Variants in GLMN observed in about 807,000 individuals in gnomAD.
GLMN encodes the protein glomulin, FKBP associated protein, also known as glomulin.
Under a neutral mutation model 87.8 loss-of-function variants are expected in GLMN, and 75 were observed. The ratio of observed to expected loss-of-function variants is 0.85; its 90% CI spans 0.71 to 1.04. The LOEUF (loss-of-function observed/expected upper bound fraction) is 1.04. GLMN is among the 50% of genes least tolerant of loss of function. GLMN has a pLI of 0.00. For synonymous variants in GLMN, 206 were observed against 221.6 expected (o/e 0.93, Z 0.63); for missense variants, 588 against 658.8 (o/e 0.89, Z 1.18).
chr1:92,292,927 G>A (rs949669359), intron 3 of GLMN, among the ~76,000 whole-genome samples: 8 of 151,698 alleles, frequency 5.3e-5, no homozygotes, highest in Non-Finnish European at 8.8e-5. Context: ...GGGAGGATGA[G>A]TGGGAGGATG....
intron 18 of GLMN, 84 bp from the exon 19 acceptor site, chr1:92,246,730 G>T: frequency 1.3e-6 from 1 of 787,428 alleles, no homozygotes; most frequent in Non-Finnish European, 2.3e-6. Flanking sequence ...TCAGCTGGAG[G>T]TAGCTTAGGA....
At chr1:92,365,539 G>A in the GLMN span, among the ~76,000 whole-genome samples, 4 of 152,310 alleles carry the variant, frequency 2.6e-5, no homozygotes, top group East Asian at 1.9e-4. Flanking sequence ...GTGCACATTG[G>A]TGTGCTAAGT....
the GLMN span, among the ~76,000 whole-genome samples, chr1:92,314,890 C>T: frequency 3.3e-5 from 5 of 151,130 alleles, no homozygotes; most frequent in African/African-American, 9.7e-5. Flanking sequence ...ACTAAAAATA[C>T]AAAAATTAAC....
chr1:92,360,859 T>C, the GLMN span, among the ~76,000 whole-genome samples: 1 of 152,150 alleles, frequency 6.6e-6, no homozygotes, highest in African/African-American at 2.4e-5. Context: ...CTGGCTCTGA[T>C]TGATTCTTAC....
At chr1:92,342,686 G>A in the GLMN span, among the ~76,000 whole-genome samples, 3 of 152,168 alleles carry the variant, frequency 2.0e-5, no homozygotes, top group Non-Finnish European at 4.4e-5. Flanking sequence ...AGAAAGCAGT[G>A]GAGGTAATAA....
rs1649407142 is a variant in GLMN, at chr1:92,291,521, A to G, written c.182T>C (p.Met61Thr). The change falls in exon 4 of 19, where the codon ATG becomes ACG. Residue 61 changes from methionine (M) to threonine (T), a missense_variant. By Grantham distance (81) the Met-to-Thr change is moderately conservative (BLOSUM62 -1). Transcript: ENST00000370360. ...AACAGGACCAACGAGATTCCAGCCC[A>G]TATTCTTGATGATGACCTGTAAAAA... ...NEKNKVIIKN[M>T]GWNLVGPVVR... 1.2e-6 allele frequency: 2 copies of G among 1,613,672 alleles called. No individual in the cohort carries two copies. The highest frequency in any genetic ancestry group is 1.7e-6 in the Non-Finnish European group (2 of 1,179,598).
chr1:92,326,513 C>T, the GLMN span, among the ~76,000 whole-genome samples: 22 of 152,200 alleles, frequency 1.4e-4, no homozygotes, highest in Admixed American at 7.2e-4. Flanking sequence ...TGGGTAGGGC[C>T]GTAGAACTCC....
the GLMN span, among the ~76,000 whole-genome samples, chr1:92,348,355 A>C: frequency 1.5e-4 from 23 of 152,328 alleles, no homozygotes; most frequent in Admixed American, 1.2e-3. Context: ...AGTTAGGGGA[A>C]ACCCTTTTAG....
intron 7 of GLMN, among the ~76,000 whole-genome samples, chr1:92,272,679 AG>A (rs2100935186): frequency 6.6e-6 from 1 of 152,296 alleles, no homozygotes; most frequent in Non-Finnish European, 1.5e-5. Flanking sequence ...GCTGGGCCTG[AG>A]GAAACACTGT....
the GLMN span, among the ~76,000 whole-genome samples, chr1:92,318,391 T>C: frequency 6.6e-6 from 1 of 152,216 alleles, no homozygotes; most frequent in Admixed American, 6.5e-5. Flanking sequence ...CTTAGTTACA[T>C]ATAGATTTGG....
the GLMN span, among the ~76,000 whole-genome samples, chr1:92,354,890 AATTATT>A: frequency 1.2e-3 from 180 of 147,686 alleles, no homozygotes; most frequent in African/African-American, 3.7e-3. Context: ...AATTTATGTA[AATTATT>A]ATTATTATTA....
At chr1:92,263,208 TTA>T (rs1256522202) in intron 15 of GLMN, among the ~76,000 whole-genome samples, 1 of 152,182 alleles carries the variant, frequency 6.6e-6, no homozygotes, top group Non-Finnish European at 1.5e-5. Flanking sequence ...TTTAAATGCT[TTA>T]AACCATTTCT....
chr1:92,310,480 C>G, the GLMN span, among the ~76,000 whole-genome samples: 1 of 152,072 alleles, frequency 6.6e-6, no homozygotes, highest in South Asian at 2.1e-4. Context: ...GAAAAAATTG[C>G]TTCTTTTAAA....
the GLMN span, chr1:92,336,221 C>T: frequency 7.5e-6 from 5 of 668,260 alleles, 1 homozygote; most frequent in South Asian, 8.8e-5. Context: ...CTAGGTTAAC[C>T]TTTAAATCAT....
intron 7 of GLMN, among the ~76,000 whole-genome samples, chr1:92,272,298 A>G (rs1656317981): frequency 6.6e-6 from 1 of 152,232 alleles, no homozygotes; most frequent in African/African-American, 2.4e-5. Context: ...CCTGATCCAT[A>G]GAAACTGTGA....
chr1:92,369,668 A>G, the GLMN span, among the ~76,000 whole-genome samples: 7 of 152,090 alleles, frequency 4.6e-5, no homozygotes, highest in African/African-American at 7.2e-5. Context: ...AGTCCCTTTC[A>G]TTGTGTATTG....
chr1:92,281,318 AT>A (rs1306514895), intron 7 of GLMN, among the ~76,000 whole-genome samples: 4 of 152,238 alleles, frequency 2.6e-5, no homozygotes, highest in Admixed American at 2.0e-4. Context: ...AAAATTCAAC[AT>A]TCTTAAAGAA....
chr1:92,358,262 T>C, the GLMN span, among the ~76,000 whole-genome samples: 1 of 152,294 alleles, frequency 6.6e-6, no homozygotes, highest in East Asian at 1.9e-4. Context: ...TACCTTGTTC[T>C]CCCATTCCGG....
chr1:92,340,787 G>C, the GLMN span, among the ~76,000 whole-genome samples: 1 of 152,074 alleles, frequency 6.6e-6, no homozygotes, highest in Admixed American at 6.5e-5. Context: ...TTACAAATCT[G>C]CTATCTAGAA....
Sources: gnomAD v4.1 joint callset for allele counts (sites outside exome capture counted in the v4.1 genomes callset) on GRCh38, gnomAD v4.1.1 for gene constraint, MANE v1.5 for transcripts, NCBI Gene and HGNC (gene_info 2026-07-23, HGNC 2026-07-21) for gene names.